Variants in SRGAP2 observed in about 807,000 individuals in gnomAD.
SRGAP2 encodes the protein SLIT-ROBO Rho GTPase activating protein 2.
SRGAP2 carries 15 observed loss-of-function variants against 57.2 expected under a neutral mutation model. The observed-to-expected ratio is 0.26, with a 90% CI of 0.18 to 0.40. The LOEUF (loss-of-function observed/expected upper bound fraction) is 0.40, where lower values mean the gene tolerates loss of function less well. Among genes scored for constraint, SRGAP2 ranks in the 10% least tolerant of loss-of-function variants. SRGAP2 has a pLI of 1.00. For synonymous variants in SRGAP2, 249 were observed against 248.0 expected (o/e 1.00, Z -0.04); for missense variants, 520 against 669.6 (o/e 0.78, Z 2.47).
intron 3 of SRGAP2, among the ~76,000 whole-genome samples, chr1:206,327,403 A>G (rs1674014066): frequency 6.7e-6 from 1 of 150,206 alleles, no homozygotes; most frequent in Non-Finnish European, 1.5e-5. Context: ...TTTATTATAA[A>G]AGGAATTTTG....
intron 4 of SRGAP2, among the ~76,000 whole-genome samples, chr1:206,374,347 C>T (rs1655021332): frequency 2.1e-5 from 3 of 146,134 alleles, no homozygotes; most frequent in Admixed American, 6.8e-5. Context: ...GTACGTGGAA[C>T]ATTTACAAAG....
intron 7 of SRGAP2, among the ~76,000 whole-genome samples, chr1:206,398,544 A>G (rs1342901769): frequency 1.3e-5 from 2 of 152,042 alleles, no homozygotes; most frequent in African/African-American, 4.8e-5. Flanking sequence ...CACTGGCCCC[A>G]TCTACCCACT....
chr1:206,268,255 G>A (rs1669995695), intron 2 of SRGAP2, among the ~76,000 whole-genome samples: 2 of 118,002 alleles, frequency 1.7e-5, no homozygotes, highest in African/African-American at 3.3e-5. Flanking sequence ...CCCATGACAG[G>A]CCCCTGTGTG....
intron 4 of SRGAP2, among the ~76,000 whole-genome samples, chr1:206,356,626 T>A (rs1676456540): frequency 6.6e-6 from 1 of 152,300 alleles, no homozygotes; most frequent in South Asian, 2.1e-4. Flanking sequence ...CCTCCCTTGT[T>A]GCAGGACAGG....
chr1:206,325,269 G>A (rs1442632122), intron 3 of SRGAP2, among the ~76,000 whole-genome samples: 3 of 152,010 alleles, frequency 2.0e-5, no homozygotes, highest in Non-Finnish European at 4.4e-5. Flanking sequence ...ATAAATAGCT[G>A]AGAACAATAC....
At chr1:206,430,606 C>G (rs1553368036) in intron 14 of SRGAP2, among the ~76,000 whole-genome samples, 1 of 152,186 alleles carries the variant, frequency 6.6e-6, no homozygotes, top group Non-Finnish European at 1.5e-5. Flanking sequence ...CTTTCTGTAC[C>G]AGACTAGTTT....
intron 15 of SRGAP2, chr1:206,437,478 G>A (rs1268464509): frequency 5.6e-6 from 1 of 178,094 alleles, no homozygotes; most frequent in African/African-American, 2.4e-5. Context: ...ATTTGAGGTT[G>A]GCCCTATCAT....
chr1:206,292,625 A>G (rs1671391415), intron 2 of SRGAP2, among the ~76,000 whole-genome samples: 1 of 147,390 alleles, frequency 6.8e-6, no homozygotes. Flanking sequence ...ACTTTTGTAC[A>G]TCTCTCTTCA....
chr1:206,383,858 A>G (rs1553347752), intron 4 of SRGAP2, among the ~76,000 whole-genome samples, 156 bp from the exon 5 acceptor site: 1 of 145,052 alleles, frequency 6.9e-6, no homozygotes, highest in Non-Finnish European at 1.5e-5. Context: ...TCTGACCATA[A>G]TTGGGTCTGA....
At chr1:206,423,306 G>A (rs1660480392) in intron 13 of SRGAP2, among the ~76,000 whole-genome samples, 1 of 152,148 alleles carries the variant, frequency 6.6e-6, no homozygotes, top group Non-Finnish European at 1.5e-5. Flanking sequence ...CTCTCACGAT[G>A]TCTCTCTATA....
rs575949312 is a variant in SRGAP2 at position 206,239,516 on chromosome 1, G to A, written c.67+33479G>A. On this transcript the variant is annotated intron_variant, in intron 2 of 22. Transcript: ENST00000573034. The stretch of plus-strand genomic sequence containing the variant: ...TCTGTCGCCCAGGCTGAAATGCAGT[G>A]GCATGATCTTGGCTCACTGCAACCT... 3.7e-4 allele frequency among the ~76,000 whole-genome samples: 56 copies of A among 152,252 alleles called. 1 individual carries two copies. Among genetic ancestry groups the A allele is most frequent in the African/African-American group, 1.3e-3 (56 of 41,528 alleles).
intron 21 of SRGAP2, 81 bp from the exon 22 acceptor site, chr1:206,458,542 C>A: frequency 1.5e-6 from 1 of 680,832 alleles, no homozygotes; most frequent in Non-Finnish European, 2.7e-6. Flanking sequence ...TGGGTGCCAA[C>A]ATCTGCCCCC....
At chr1:206,418,572 G>T (rs1553362914) in intron 11 of SRGAP2, among the ~76,000 whole-genome samples, 1 of 152,098 alleles carries the variant, frequency 6.6e-6, no homozygotes, top group Admixed American at 6.5e-5. Context: ...CCTAAAGAAA[G>T]CAATATATAT....
intron 14 of SRGAP2, among the ~76,000 whole-genome samples, chr1:206,432,368 G>C (rs1043389342): frequency 2.0e-5 from 3 of 152,174 alleles, no homozygotes; most frequent in Admixed American, 2.0e-4. Flanking sequence ...GAATTTGGCA[G>C]TATCTAACAA....
chr1:206,210,403 CTTTT>C (rs71568077), intron 2 of SRGAP2, among the ~76,000 whole-genome samples: 4 of 31,792 alleles, frequency 1.3e-4, no homozygotes, highest in South Asian at 1.1e-3. Flanking sequence ...GGGGTCTTGT[CTTTT>C]TTTTTTTTTT....
intron 10 of SRGAP2, among the ~76,000 whole-genome samples, chr1:206,410,049 C>T (rs1659075752): frequency 1.3e-5 from 2 of 152,198 alleles, no homozygotes; most frequent in Non-Finnish European, 2.9e-5. Flanking sequence ...TGCAGTGAGC[C>T]GAGATCGTGC....
intron 13 of SRGAP2, among the ~76,000 whole-genome samples, chr1:206,426,368 T>C (rs1660797671): frequency 6.6e-6 from 1 of 152,246 alleles, no homozygotes; most frequent in South Asian, 2.1e-4. Flanking sequence ...TACCCATTCA[T>C]CTATTGATGG....
intron 15 of SRGAP2, 38 bp downstream of exon 15, chr1:206,437,080 C>T (rs552775369): frequency 2.6e-6 from 2 of 779,628 alleles, no homozygotes; most frequent in South Asian, 1.3e-5. Flanking sequence ...CAAATATTTG[C>T]CAGCCCCCTG....
At chr1:206,222,789 A>G (rs1193112237) in intron 2 of SRGAP2, among the ~76,000 whole-genome samples, 1 of 151,910 alleles carries the variant, frequency 6.6e-6, no homozygotes, top group Non-Finnish European at 1.5e-5. Context: ...CTTTGGACTG[A>G]TCATTTAAGT....
Sources: gnomAD v4.1 joint callset for allele counts (sites outside exome capture counted in the v4.1 genomes callset) on GRCh38, gnomAD v4.1.1 for gene constraint, MANE v1.5 for transcripts, NCBI Gene and HGNC (gene_info 2026-07-23, HGNC 2026-07-21) for gene names.